SYT1: variants seen among roughly 807,000 people sequenced by gnomAD.
SYT1 encodes synaptotagmin 1.
SYT1 carries 8 observed loss-of-function variants against 44.8 expected under a neutral mutation model. That is an observed-to-expected ratio of 0.18 (90% confidence interval 0.10 to 0.32). The LOEUF (loss-of-function observed/expected upper bound fraction) is 0.32. Among genes scored for constraint, SYT1 ranks in the 10% least tolerant of loss-of-function variants. The pLI is 1.00. For synonymous variants in SYT1, 154 were observed against 188.8 expected (o/e 0.82, Z 1.51); for missense variants, 286 against 509.3 (o/e 0.56, Z 4.22).
chr12:79,374,607 GTCACCA>G (rs1883920563), intron 9 of SYT1, among the ~76,000 whole-genome samples: 1 of 152,224 alleles, frequency 6.6e-6, no homozygotes. Context: ...GACATTCAAT[GTCACCA>G]GAAGGATAGG....
intron 8 of SYT1, among the ~76,000 whole-genome samples, chr12:79,340,592 A>G (rs1882323516): frequency 6.6e-6 from 1 of 152,216 alleles, no homozygotes; most frequent in African/African-American, 2.4e-5. Flanking sequence ...TTTTCTAAAT[A>G]TACAATCATG....
At chr12:79,395,142 A>G (rs920508621) in intron 9 of SYT1, among the ~76,000 whole-genome samples, 11 of 152,168 alleles carry the variant, frequency 7.2e-5, no homozygotes, top group African/African-American at 2.4e-4. Flanking sequence ...AGACATGAAT[A>G]AACCATGGCT....
intron 8 of SYT1, among the ~76,000 whole-genome samples, chr12:79,326,508 G>T (rs750882146): frequency 6.6e-6 from 1 of 152,088 alleles, no homozygotes; most frequent in African/African-American, 2.4e-5. Context: ...AAACTTAGGG[G>T]GTTGTTCTTT....
chr12:79,120,435 T>C (rs1592765454), intron 3 of SYT1, among the ~76,000 whole-genome samples: 1 of 152,068 alleles, frequency 6.6e-6, no homozygotes, highest in African/African-American at 2.4e-5. Context: ...AAAAAAAATA[T>C]ATAAAAATGC....
chr12:79,155,100 G>A (rs1393219183), intron 3 of SYT1, among the ~76,000 whole-genome samples: 1 of 151,992 alleles, frequency 6.6e-6, no homozygotes, highest in Admixed American at 6.6e-5. Flanking sequence ...TCAACATCAA[G>A]TTAATGGAAA....
intron 2 of SYT1, among the ~76,000 whole-genome samples, chr12:79,029,469 A>C (rs1872714636): frequency 6.6e-6 from 1 of 151,168 alleles, no homozygotes. Context: ...GGTAAATAAA[A>C]TAAAACGTGA....
intron 8 of SYT1, among the ~76,000 whole-genome samples, chr12:79,304,924 A>G (rs1019465034): frequency 6.6e-6 from 1 of 152,128 alleles, no homozygotes; most frequent in African/African-American, 2.4e-5. Context: ...AAACTGCTAC[A>G]GAAGTATAGA....
intron 5 of SYT1, among the ~76,000 whole-genome samples, chr12:79,290,844 A>T (rs1238621683): frequency 6.6e-6 from 1 of 152,222 alleles, no homozygotes; most frequent in Non-Finnish European, 1.5e-5. Context: ...TTAGCAAAGG[A>T]TATGTACAGG....
chr12:79,393,348 T>A (rs1156271467), intron 9 of SYT1: 1 of 152,214 alleles, frequency 6.6e-6, no homozygotes, highest in Non-Finnish European at 1.5e-5. Context: ...TCAAATGGTA[T>A]TTCTAGTTCT....
Position 79,450,877 on chromosome 12 carries a change from A to G in SYT1, c.*1753A>G, listed in dbSNP as rs1340268084. On this transcript the variant is annotated 3_prime_UTR_variant, in exon 11 of 11. Coordinates refer to ENST00000261205, the MANE Select transcript of SYT1 (RefSeq NM_005639.3). ...TCGTGGAAGGGCAGCCTATTATCCC[A>G]CACTGCATCTAGCCTTTTGTCCCAT... is the stretch of plus-strand genomic sequence containing the variant. 6.5e-6 allele frequency: 1 copy of G among 152,776 alleles called. No homozygotes were observed. The highest frequency in any genetic ancestry group is 2.4e-5 in the African/African-American group (1 of 41,582). The allele number at this position is 152,776 out of a possible 1,614,324, so 9.5% of individuals were successfully genotyped here.
intron 9 of SYT1, among the ~76,000 whole-genome samples, chr12:79,418,055 T>G (rs1395966076): frequency 1.3e-5 from 2 of 152,180 alleles, no homozygotes; most frequent in Non-Finnish European, 2.9e-5. Context: ...GTCCTCTTTC[T>G]AATGTTTATG....
At chr12:79,110,287 C>T (rs899686856) in intron 3 of SYT1, among the ~76,000 whole-genome samples, 1 of 151,818 alleles carries the variant, frequency 6.6e-6, no homozygotes, top group Admixed American at 6.6e-5. Context: ...CCAATATTTT[C>T]TGTTAGGTTT....
chr12:79,040,531 A>T (rs1335568296), intron 2 of SYT1, among the ~76,000 whole-genome samples: 3 of 152,022 alleles, frequency 2.0e-5, no homozygotes, highest in Non-Finnish European at 2.9e-5. Context: ...TAGCCCTTTG[A>T]CAGATGAGCA....
intron 4 of SYT1, among the ~76,000 whole-genome samples, chr12:79,240,803 T>C (rs576971344): frequency 6.6e-6 from 1 of 152,160 alleles, no homozygotes; most frequent in Non-Finnish European, 1.5e-5. Context: ...TAAAAAGTAA[T>C]TATATATTGC....
rs116343967 is a variant in SYT1, at chr12:79,125,093, G to A, written c.-18+77731G>A. Among the ~76,000 whole-genome samples the A allele has an allele frequency of 5.5e-3, 844 of 152,082 alleles. 10 individuals carry two copies. Among genetic ancestry groups the A allele is most frequent in the African/African-American group, 0.019 (794 of 41,504 alleles). On this transcript the variant is annotated intron_variant, in intron 3 of 10. Coordinates refer to ENST00000261205, the MANE Select transcript of SYT1 (RefSeq NM_005639.3). Reference sequence around the variant, plus strand: ...TACAGTATAACATATGCATCCTTGCGTCTTTTTATTTCTCATGACGAATAA... The same window carrying A: ...TACAGTATAACATATGCATCCTTGCATCTTTTTATTTCTCATGACGAATAA...
chr12:79,008,194 C>T (rs141598632), intron 2 of SYT1, among the ~76,000 whole-genome samples: 1 of 152,044 alleles, frequency 6.6e-6, no homozygotes. Context: ...TAAAGAATAA[C>T]AACCATCCTG....
At chr12:79,004,348 A>T (rs1212422529) in intron 2 of SYT1, among the ~76,000 whole-genome samples, 2 of 151,914 alleles carry the variant, frequency 1.3e-5, no homozygotes, top group Non-Finnish European at 2.9e-5. Context: ...TCTCTTATGT[A>T]CCTGATCAAT....
chr12:78,884,248 A>G (rs1442080874), intron 1 of SYT1, among the ~76,000 whole-genome samples: 2 of 151,574 alleles, frequency 1.3e-5, no homozygotes, highest in African/African-American at 4.8e-5. Context: ...GTTGGATTAG[A>G]TATTACTTTA....
At chr12:79,211,953 T>A (rs1428517344) in intron 3 of SYT1, among the ~76,000 whole-genome samples, 1 of 152,214 alleles carries the variant, frequency 6.6e-6, no homozygotes, top group Non-Finnish European at 1.5e-5. Flanking sequence ...AATGAATATG[T>A]TATCCCACTG....
Sources: allele counts gnomAD v4.1 joint callset (sites outside exome capture counted in the v4.1 genomes callset), GRCh38; gene constraint gnomAD v4.1.1; transcripts MANE v1.5; gene names NCBI Gene and HGNC (gene_info 2026-07-23, HGNC 2026-07-21).